Variants in ZNF804B observed in about 807,000 individuals in gnomAD.
ZNF804B encodes the protein zinc finger 804B.
ZNF804B carries 80 observed loss-of-function variants against 101.4 expected under a neutral mutation model. That is an observed-to-expected ratio of 0.79 (90% CI 0.66 to 0.95). The LOEUF is 0.95. Ranked by LOEUF, ZNF804B falls within the 40% of genes least tolerant of loss-of-function variation. ZNF804B has a pLI of 0.00. For missense variants in ZNF804B, 1,673 were observed against 1,561.9 expected, an observed-to-expected ratio of 1.07 and a Z score of -1.20; for synonymous variants, 622 against 558.8, an observed-to-expected ratio of 1.11 and a Z score of -1.59.
At chr7:89,148,900 T>G (rs2116402570) in intron 1 of ZNF804B, among the ~76,000 whole-genome samples, 1 of 152,240 alleles carries the variant, frequency 6.6e-6, no homozygotes, top group East Asian at 1.9e-4. Flanking sequence ...TTCTTTCTAT[T>G]ATTGGCTGAA....
chr7:88,874,071 T>C (rs1488176613), intron 1 of ZNF804B, among the ~76,000 whole-genome samples: 1 of 152,214 alleles, frequency 6.6e-6, no homozygotes, highest in Non-Finnish European at 1.5e-5. Context: ...AGTATGGCCA[T>C]TTTCATGATG....
At chr7:88,940,740 C>A (rs1201986842) in intron 1 of ZNF804B, among the ~76,000 whole-genome samples, 3 of 148,398 alleles carry the variant, frequency 2.0e-5, no homozygotes, top group African/African-American at 7.4e-5. Context: ...TGCATGCCAG[C>A]CTGGGCAACA....
At chr7:88,963,019 C>T (rs1288836627) in intron 1 of ZNF804B, among the ~76,000 whole-genome samples, 1 of 150,764 alleles carries the variant, frequency 6.6e-6, no homozygotes, top group East Asian at 2.0e-4. Flanking sequence ...CTAAGACGGT[C>T]TCAAAAGCAA....
chr7:89,070,224 G>C (rs1400372212), intron 1 of ZNF804B, among the ~76,000 whole-genome samples: 1 of 152,126 alleles, frequency 6.6e-6, no homozygotes, highest in Non-Finnish European at 1.5e-5. Context: ...CAAGTACTAT[G>C]GTCCCAAATA....
At chr7:88,866,978 T>C (rs1206704587) in intron 1 of ZNF804B, among the ~76,000 whole-genome samples, 1 of 152,186 alleles carries the variant, frequency 6.6e-6, no homozygotes, top group Non-Finnish European at 1.5e-5. Context: ...ATAGAATGCA[T>C]TATAAGATGG....
chr7:89,112,013 G>A (rs1263130508), intron 1 of ZNF804B, among the ~76,000 whole-genome samples: 5 of 150,586 alleles, frequency 3.3e-5, no homozygotes, highest in East Asian at 2.0e-4. Context: ...GGCTGAGGCC[G>A]GAGAATCGCT....
chr7:89,161,106 G>T (rs139497362), intron 1 of ZNF804B, among the ~76,000 whole-genome samples: 1 of 152,042 alleles, frequency 6.6e-6, no homozygotes, highest in East Asian at 2.0e-4. Flanking sequence ...AGAGAAGAAG[G>T]GCTAGAGATC....
At chr7:89,192,074 G>C (rs1464070471) in intron 1 of ZNF804B, among the ~76,000 whole-genome samples, 1 of 151,960 alleles carries the variant, frequency 6.6e-6, no homozygotes. Flanking sequence ...CTTATTAGGA[G>C]GATGAAAAAT....
Position 89,177,142 on chromosome 7 carries a change from T to C in ZNF804B, c.109-41013T>C, listed in dbSNP as rs114696390. On this transcript the variant is annotated intron_variant, in intron 1 of 3. Transcript: ENST00000333190. Reference sequence around the variant, plus strand: ...ATTTATTTCTGCTCTGATTTATATTTTCTCTACTAATTTTGGGAATAGTTT... The same window carrying C: ...ATTTATTTCTGCTCTGATTTATATTCTCTCTACTAATTTTGGGAATAGTTT... Among the ~76,000 whole-genome samples, 733 of 152,294 alleles carry C rather than the reference T, an allele frequency of 4.8e-3. 6 individuals carry two copies. Among genetic ancestry groups the C allele is most frequent in the African/African-American group, 0.017 (706 of 41,578 alleles).
At chr7:88,982,079 A>T (rs1793701044) in intron 1 of ZNF804B, among the ~76,000 whole-genome samples, 1 of 151,812 alleles carries the variant, frequency 6.6e-6, no homozygotes, top group African/African-American at 2.4e-5. Context: ...CCTTCTTTCA[A>T]GCTGATTCTT....
rs1790797514 is a variant in ZNF804B, at chr7:89,320,189, A to ATATATAT, written c.250-7155_250-7154insTATATAT. 4.6e-5 allele frequency among the ~76,000 whole-genome samples: 7 copies of ATATATAT among 152,262 alleles called. No homozygotes were observed. In the South Asian group the frequency reaches 1.4e-3, roughly 32 times the overall value. On this transcript the variant is annotated intron_variant, in intron 2 of 3. Transcript: ENST00000333190. Reference sequence around the variant, plus strand: ...TTCTGCACATGTACCCCAGAACTTAAAATATAAATAAATGAATAAATAAAA... The same window carrying ATATATAT: ...TTCTGCACATGTACCCCAGAACTTAATATATATAATATAAATAAATGAATAAATAAAA...
At chr7:89,201,921 G>A (rs532031889) in intron 1 of ZNF804B, among the ~76,000 whole-genome samples, 3 of 152,182 alleles carry the variant, frequency 2.0e-5, no homozygotes, top group Admixed American at 2.0e-4. Context: ...GTATGTACCT[G>A]TGTTCCAGAG....
chr7:89,073,411 A>AT (rs1487404540), intron 1 of ZNF804B, among the ~76,000 whole-genome samples: 2 of 152,108 alleles, frequency 1.3e-5, no homozygotes, highest in Non-Finnish European at 2.9e-5. Flanking sequence ...AAATTATTCT[A>AT]TTTTTATTCC....
intron 1 of ZNF804B, among the ~76,000 whole-genome samples, chr7:88,955,465 G>T (rs910505281): frequency 1.3e-5 from 2 of 151,614 alleles, no homozygotes; most frequent in African/African-American, 2.4e-5. Flanking sequence ...TAGGAACCTG[G>T]TGTGTATATT....
chr7:89,336,933 A>T lies in ZNF804B; in HGVS notation c.3951A>T (p.Val1317=), dbSNP rs949297110. Residue 1317 remains valine (V), a synonymous_variant, in exon 4 of 4, where the codon GTA becomes GTT. Transcript: ENST00000333190. ...IIHLNPLIQP[V]FQGQDFCHHS... ...ACTTGAATCCTTTAATCCAACCAGT[A>T]TTCCAAGGTCAAGATTTTTGCCATC... The T allele has an allele frequency of 5.6e-6, 9 of 1,614,112 alleles. No individual in the cohort carries two copies. The highest frequency in any genetic ancestry group is 7.6e-6 in the Non-Finnish European group (9 of 1,179,994).
chr7:89,123,088 C>T (rs1004547108), intron 1 of ZNF804B, among the ~76,000 whole-genome samples: 1 of 151,556 alleles, frequency 6.6e-6, no homozygotes, highest in Non-Finnish European at 1.5e-5. Flanking sequence ...ATTTGTTTGT[C>T]TCTTATGGGC....
intron 1 of ZNF804B, among the ~76,000 whole-genome samples, chr7:89,155,279 T>A (rs2116411350): frequency 6.6e-6 from 1 of 152,252 alleles, no homozygotes; most frequent in African/African-American, 2.4e-5. Flanking sequence ...CATTTTATCA[T>A]CCAACAAGAA....
chr7:89,129,204 T>C (rs567578947), intron 1 of ZNF804B, among the ~76,000 whole-genome samples: 13 of 152,058 alleles, frequency 8.5e-5, no homozygotes, highest in Non-Finnish European at 1.6e-4. Context: ...CCCTCCTCCA[T>C]GAATGGATCA....
intron 1 of ZNF804B, among the ~76,000 whole-genome samples, chr7:88,869,086 C>T (rs1408075434): frequency 6.6e-6 from 1 of 152,016 alleles, no homozygotes; most frequent in Non-Finnish European, 1.5e-5. Context: ...AAGTTTAAAC[C>T]CATCACACAC....
Sources: gnomAD v4.1 joint callset for allele counts (sites outside exome capture counted in the v4.1 genomes callset) on GRCh38, gnomAD v4.1.1 for gene constraint, MANE v1.5 for transcripts, NCBI Gene and HGNC (gene_info 2026-07-23, HGNC 2026-07-21) for gene names.